The following CCSER1 variants were observed in gnomAD, a reference collection of about 807,000 sequenced individuals.
CCSER1 encodes the protein coiled-coil serine rich protein 1, also known as serine-rich coiled-coil domain-containing protein 1.
In CCSER1, 41 loss-of-function variants were observed where a neutral mutation model predicts 82.0. The observed-to-expected ratio is 0.50, with a 90% CI of 0.39 to 0.65. The LOEUF is 0.65. Among genes scored for constraint, CCSER1 ranks in the 30% least tolerant of loss-of-function variants. The pLI, the probability that CCSER1 is intolerant of heterozygous loss-of-function variation, is 0.00. For synonymous variants in CCSER1, 414 were observed against 383.9 expected (o/e 1.08, Z -0.92); for missense variants, 1,119 against 1,064.2 (o/e 1.05, Z -0.72).
At chr4:91,525,908 AG>A (rs1352929791) in intron 10 of CCSER1, among the ~76,000 whole-genome samples, 1 of 152,162 alleles carries the variant, frequency 6.6e-6, no homozygotes, top group Non-Finnish European at 1.5e-5. Flanking sequence ...TCAGGCCACA[AG>A]GGGAAGTGGG....
At chr4:90,394,112 T>C (rs891320202) in intron 3 of CCSER1, among the ~76,000 whole-genome samples, 17 of 151,286 alleles carry the variant, frequency 1.1e-4, no homozygotes, top group Admixed American at 3.3e-4. Flanking sequence ...TTTTTTTTTT[T>C]CAATTCTGTA....
intron 4 of CCSER1, among the ~76,000 whole-genome samples, chr4:90,448,603 C>T (rs772736051): frequency 6.6e-6 from 1 of 151,498 alleles, no homozygotes; most frequent in Non-Finnish European, 1.5e-5. Flanking sequence ...ATACACATAA[C>T]ATGGACAAAT....
chr4:91,037,608 TG>T (rs1741564341), intron 9 of CCSER1, among the ~76,000 whole-genome samples: 1 of 152,156 alleles, frequency 6.6e-6, no homozygotes, highest in South Asian at 2.1e-4. Context: ...CTTCCTACTT[TG>T]TAATTCCCCT....
chr4:90,522,617 C>T, intron 5 of CCSER1, among the ~76,000 whole-genome samples: 1 of 152,068 alleles, frequency 6.6e-6, no homozygotes, highest in East Asian at 1.9e-4. Flanking sequence ...ACTCTAAGAC[C>T]CAGCATAAAA....
chr4:90,729,406 G>A (rs964169553), intron 7 of CCSER1, among the ~76,000 whole-genome samples: 10 of 151,988 alleles, frequency 6.6e-5, no homozygotes, highest in African/African-American at 1.9e-4. Context: ...TATTTTATAC[G>A]CTTGAGTATT....
intron 10 of CCSER1, among the ~76,000 whole-genome samples, chr4:91,425,867 G>A (rs1237523314): frequency 1.3e-5 from 2 of 152,162 alleles, no homozygotes; most frequent in Non-Finnish European, 2.9e-5. Context: ...GTTGAGGATA[G>A]ATCTTATGTT....
chr4:90,235,369 G>C (rs758119331), intron 1 of CCSER1: 3 of 152,160 alleles, frequency 2.0e-5, no homozygotes, highest in Non-Finnish European at 2.9e-5. Context: ...TCTAGCATCT[G>C]GGACAACTGG....
chr4:91,356,627 GC>G (rs1748851432), intron 10 of CCSER1, among the ~76,000 whole-genome samples: 2 of 152,142 alleles, frequency 1.3e-5, no homozygotes, highest in Non-Finnish European at 1.5e-5. Context: ...TTGGCAGAGT[GC>G]CCAGTAAAAG....
chr4:91,059,697 AT>A (rs1374363109), intron 9 of CCSER1, among the ~76,000 whole-genome samples: 2 of 151,934 alleles, frequency 1.3e-5, no homozygotes, highest in Middle Eastern at 3.4e-3. Context: ...TCATATTTCC[AT>A]TTTTTGTGAC....
At position 91,182,896 on chromosome 4, in the gene CCSER1, C is replaced by T. The variant is rs907843208; in HGVS notation, c.2217+96902C>T. ...CTCCTGTAAAAGATGAGGCATGTACCATTTGGTAAGTTGGGCATCCCTGTA... is the reference window on the plus strand; with the variant it reads ...CTCCTGTAAAAGATGAGGCATGTACTATTTGGTAAGTTGGGCATCCCTGTA... On this transcript the variant is annotated intron_variant, in intron 10 of 10. Transcript: ENST00000509176. 3.9e-5 allele frequency among the ~76,000 whole-genome samples: 6 copies of T among 152,154 alleles called. No homozygotes were observed. In the East Asian group the frequency reaches 1.2e-3, roughly 29 times the overall value.
At chr4:91,336,643 A>C (rs1314450748) in intron 10 of CCSER1, among the ~76,000 whole-genome samples, 1 of 152,092 alleles carries the variant, frequency 6.6e-6, no homozygotes, top group African/African-American at 2.4e-5. Context: ...ATATACAAAA[A>C]TAAAACAGTC....
intron 10 of CCSER1, among the ~76,000 whole-genome samples, chr4:91,584,989 T>C (rs1448487383): frequency 1.3e-5 from 2 of 151,538 alleles, no homozygotes; most frequent in Non-Finnish European, 3.0e-5. Flanking sequence ...ATGTAACCTT[T>C]CTAAAATACT....
At chr4:90,823,085 G>C (rs17188168) in intron 8 of CCSER1, among the ~76,000 whole-genome samples, 18 of 152,038 alleles carry the variant, frequency 1.2e-4, no homozygotes, top group African/African-American at 3.4e-4. Context: ...TACATTGACT[G>C]TAGGAATAAT....
At chr4:91,058,949 T>A (rs1043782560) in intron 9 of CCSER1, among the ~76,000 whole-genome samples, 1 of 152,022 alleles carries the variant, frequency 6.6e-6, no homozygotes, top group Non-Finnish European at 1.5e-5. Flanking sequence ...AATCATAATT[T>A]GCATCCTACT....
chr4:90,566,379 C>T (rs571428914), intron 5 of CCSER1, among the ~76,000 whole-genome samples: 1 of 150,904 alleles, frequency 6.6e-6, no homozygotes, highest in Non-Finnish European at 1.5e-5. Flanking sequence ...TTTAATTATT[C>T]TTTAAATGTT....
chr4:91,300,005 G>A (rs1744543753), intron 10 of CCSER1, among the ~76,000 whole-genome samples: 1 of 151,898 alleles, frequency 6.6e-6, no homozygotes, highest in African/African-American at 2.4e-5. Flanking sequence ...TCGGAATTAT[G>A]TTTTACCTTA....
intron 6 of CCSER1, chr4:90,663,907 G>T: frequency 2.8e-6 from 1 of 356,580 alleles, no homozygotes; most frequent in African/African-American, 2.1e-5. Context: ...TTTTCTAGTT[G>T]TATGAAAGTG....
chr4:90,160,464 A>G (rs1729229409), intron 1 of CCSER1, among the ~76,000 whole-genome samples: 1 of 152,214 alleles, frequency 6.6e-6, no homozygotes, highest in Admixed American at 6.5e-5. Context: ...GATTTCAGTG[A>G]CAAAGAATGC....
At chr4:91,078,282 G>A (rs1257880503) in intron 9 of CCSER1, among the ~76,000 whole-genome samples, 1 of 152,110 alleles carries the variant, frequency 6.6e-6, no homozygotes, top group Non-Finnish European at 1.5e-5. Context: ...TTGCTGTTCT[G>A]CAGCCTCCGC....
Sources: gnomAD v4.1 joint callset for allele counts (sites outside exome capture counted in the v4.1 genomes callset) on GRCh38, gnomAD v4.1.1 for gene constraint, MANE v1.5 for transcripts, NCBI Gene and HGNC (gene_info 2026-07-23, HGNC 2026-07-21) for gene names.